The following ALMS1 variants were observed in gnomAD, a reference collection of about 807,000 sequenced individuals.
The protein encoded by ALMS1 is centrosome-associated protein ALMS1.
ALMS1 carries 271 observed loss-of-function variants against 352.2 expected under a neutral mutation model. The ratio of observed to expected loss-of-function variants is 0.77; its 90% CI spans 0.70 to 0.85. The LOEUF (loss-of-function observed/expected upper bound fraction) is 0.85. ALMS1 is among the 40% of genes least tolerant of loss of function. The probability of loss-of-function intolerance (pLI) is 0.00; values close to 1 mark genes in which losing one functional copy is unlikely to be tolerated. For missense variants in ALMS1, 5,445 were observed against 4,870.7 expected (o/e 1.12, Z -3.51); for synonymous variants, 1,865 against 1,761.2 (o/e 1.06, Z -1.48).
intron 1 of ALMS1, among the ~76,000 whole-genome samples, chr2:73,398,427 G>A (rs1044071538): frequency 2.0e-5 from 3 of 152,022 alleles, no homozygotes; most frequent in East Asian, 1.9e-4. Context: ...CCTCCAATTC[G>A]GAGTCTTTTG....
chr2:73,491,734 T>C lies in ALMS1; in HGVS notation c.9539+236T>C, dbSNP rs1401300308. Among the ~76,000 whole-genome samples the C allele has an allele frequency of 3.9e-5, 6 of 152,190 alleles. No individual in the cohort carries two copies. The East Asian group carries it at 7.7e-4, about 20-fold the overall frequency. On this transcript the variant is annotated intron_variant, in intron 10 of 22. Coordinates refer to ENST00000613296, the MANE Select transcript of ALMS1 (RefSeq NM_001378454.1). ...TTGGCAAGACTTGACATCAAGTGTT[T>C]TTAAAAATTGAATGACCTTGAAAAG...
chr2:73,461,789 C>T (rs141376798), intron 9 of ALMS1, among the ~76,000 whole-genome samples: 23 of 152,018 alleles, frequency 1.5e-4, no homozygotes, highest in Admixed American at 3.3e-4. Flanking sequence ...AGCAAAGGCG[C>T]GAGAACCATG....
At chr2:73,434,599 A>G (rs959415253) in intron 7 of ALMS1, among the ~76,000 whole-genome samples, 1 of 152,144 alleles carries the variant, frequency 6.6e-6, no homozygotes, top group African/African-American at 2.4e-5. Flanking sequence ...TTTCAGCTCT[A>G]GTGGGTTTAG....
intron 13 of ALMS1, among the ~76,000 whole-genome samples, chr2:73,556,647 T>TC (rs1279473081): frequency 6.6e-6 from 1 of 150,724 alleles, no homozygotes; most frequent in East Asian, 1.9e-4. Context: ...TTTTTTTTGT[T>TC]TTTTTTTTTA....
Position 73,490,230 on chromosome 2 carries a change from A to G in ALMS1, c.8271A>G (p.Glu2757=). Reference sequence around the variant, plus strand: ...TATTTAATTCTCATTTCACTGAAGAACAAAATCCTCCCAGAGATCTTAAAC... The same window carrying G: ...TATTTAATTCTCATTTCACTGAAGAGCAAAATCCTCCCAGAGATCTTAAAC... ...VGVFNSHFTE[E]QNPPRDLKQK... Residue 2757 remains glutamate (E), a synonymous_variant, in exon 10 of 23, where the codon GAA becomes GAG. Transcript: ENST00000613296. 1.2e-6 allele frequency: 2 copies of G among 1,614,184 alleles called. No homozygotes were observed. Among genetic ancestry groups the G allele is most frequent in the South Asian group, 1.1e-5 (1 of 91,080 alleles).
In ALMS1 at chr2:73,534,944, A is replaced by G; in HGVS notation, c.9902A>G (p.His3301Arg). 6.2e-7 allele frequency: 1 copy of G among 1,613,718 alleles called. No individual in the cohort carries two copies. The highest frequency in any genetic ancestry group is 8.5e-7 in the Non-Finnish European group (1 of 1,179,734). ...SKSDTTVESS[H>R]SGSNDAIAPD... ...TCAGATACCACCGTTGAAAGCTCCC[A>G]TTCAGGTATTATGCAGAAATTATTC... Residue 3301 changes from histidine to arginine, a missense_variant, in exon 12 of 23, where the codon CAT (histidine) becomes CGT (arginine). Coordinates refer to ENST00000613296, the MANE Select transcript of ALMS1 (RefSeq NM_001378454.1).
chr2:73,483,853 T>G lies in ALMS1; in HGVS notation c.7675-5781T>G, dbSNP rs1215730776. Among the ~76,000 whole-genome samples, 184 of 146,312 alleles carry G rather than the reference T, an allele frequency of 1.3e-3. 2 individuals are homozygous for G. The Middle Eastern group carries it at 0.021, about 16-fold the overall frequency. On this transcript the variant is annotated intron_variant, in intron 9 of 22. Coordinates refer to ENST00000613296, the MANE Select transcript of ALMS1 (RefSeq NM_001378454.1). ...TGGCCTTCTTTGTCTCTTTTGATCT[T>G]TGTTGGTTTAAAGTCTGTTTTATCA...
chr2:73,428,835 G>C lies in ALMS1; in HGVS notation c.1338+2282G>C, dbSNP rs146529849. On this transcript the variant is annotated intron_variant, in intron 6 of 22. Transcript: ENST00000613296. ...TGCATGGCTTAGCTTGCTTTCAGGG[G>C]CTTGCTTACTCCTTGGTTTTTCCTT... Among the ~76,000 whole-genome samples the C allele has an allele frequency of 4.0e-5, 6 of 151,894 alleles. No individual in the cohort carries two copies. In the East Asian group the frequency reaches 7.7e-4, roughly 19 times the overall value.
intron 15 of ALMS1, among the ~76,000 whole-genome samples, chr2:73,562,071 A>G (rs1201674219): frequency 6.6e-6 from 1 of 152,210 alleles, no homozygotes; most frequent in Non-Finnish European, 1.5e-5. Context: ...ATCCAACACA[A>G]TGATATCTGT....
intron 1 of ALMS1, among the ~76,000 whole-genome samples, chr2:73,387,856 G>A (rs1007824932): frequency 6.6e-6 from 1 of 152,194 alleles, no homozygotes; most frequent in African/African-American, 2.4e-5. Flanking sequence ...GTTTGGAATA[G>A]GGAAGTGTTG....
chr2:73,537,521 A>T (rs1674056327), intron 12 of ALMS1, among the ~76,000 whole-genome samples: 1 of 152,220 alleles, frequency 6.6e-6, no homozygotes, highest in Non-Finnish European at 1.5e-5. Flanking sequence ...GGTTCTAGGC[A>T]TTTAAGGAAA....
At chr2:73,447,396 C>T (rs1469751551) in intron 7 of ALMS1, among the ~76,000 whole-genome samples, 1 of 152,002 alleles carries the variant, frequency 6.6e-6, no homozygotes, top group Non-Finnish European at 1.5e-5. Context: ...GTTTTATGTA[C>T]TTAAATATAT....
intron 9 of ALMS1, among the ~76,000 whole-genome samples, chr2:73,463,116 A>G (rs1335141261): frequency 6.6e-6 from 1 of 152,216 alleles, no homozygotes. Context: ...CCTAATAGAC[A>G]TCTACAGAAC....
chr2:73,466,275 A>G (rs1672341332), intron 9 of ALMS1, among the ~76,000 whole-genome samples: 1 of 152,242 alleles, frequency 6.6e-6, no homozygotes, highest in African/African-American at 2.4e-5. Flanking sequence ...AAAATGTGGC[A>G]CATATACACC....
chr2:73,426,390 G>A (rs1671378964), intron 5 of ALMS1, 63 bp from the exon 6 acceptor site: 2 of 1,536,890 alleles, frequency 1.3e-6, no homozygotes, highest in East Asian at 4.5e-5. Context: ...AGTCCTTCGT[G>A]TGTGGGAGCT....
rs769734500 is a variant in ALMS1 at position 73,448,454 on chromosome 2, G to A, written c.1927G>A (p.Glu643Lys). ...AGAGTTACCAGAGAGTAACTTAACC[G>A]AAGAGCCTTTGGAAGTTTCAGCTGC... Reference protein sequence around the residue: ...QQELPESNLTEEPLEVSAAPG... With the variant: ...QQELPESNLTKEPLEVSAAPG... The change falls in exon 8 of 23, where the codon GAA (glutamate) becomes AAA (lysine). Residue 643 changes from glutamate to lysine, a missense_variant. Transcript: ENST00000613296. 8 of 1,613,774 alleles carry A rather than the reference G, an allele frequency of 5.0e-6. No individual in the cohort carries two copies. Among genetic ancestry groups the A allele is most frequent in the South Asian group, 4.4e-5 (4 of 91,058 alleles).
intron 7 of ALMS1, among the ~76,000 whole-genome samples, chr2:73,443,236 A>G (rs373144422): frequency 1.3e-5 from 2 of 152,176 alleles, no homozygotes; most frequent in Admixed American, 6.5e-5. Flanking sequence ...TCCTTAGTAC[A>G]TAGTAGAAGG....
intron 9 of ALMS1, among the ~76,000 whole-genome samples, chr2:73,482,231 T>A (rs541685482): frequency 6.6e-6 from 1 of 152,236 alleles, no homozygotes. Context: ...AGATAACTCT[T>A]ATTATTTTGA....
rs573183638 is a variant in ALMS1, at chr2:73,393,392, G to GT, written c.324+7211dup. 4.6e-3 allele frequency among the ~76,000 whole-genome samples: 675 copies of GT among 146,316 alleles called. 1 individual carries two copies. The highest frequency in any genetic ancestry group is 6.4e-3 in the Non-Finnish European group (424 of 65,970). ...CTTTCGTATGTGACTATCCAGCACTGTTTTTTTTTTTAAATTTTATTGATT... is the reference window on the plus strand; with the variant it reads ...CTTTCGTATGTGACTATCCAGCACTGTTTTTTTTTTTTAAATTTTATTGATT... On this transcript the variant is annotated intron_variant, in intron 1 of 22. Coordinates refer to ENST00000613296, the MANE Select transcript of ALMS1 (RefSeq NM_001378454.1).
Sources: gnomAD v4.1 joint callset for allele counts (sites outside exome capture counted in the v4.1 genomes callset) on GRCh38, gnomAD v4.1.1 for gene constraint, MANE v1.5 for transcripts, NCBI Gene and HGNC (gene_info 2026-07-23, HGNC 2026-07-21) for gene names.